Variants in CFL1 observed in about 807,000 individuals in gnomAD.
CFL1 encodes cofilin 1.
In CFL1, 2 loss-of-function variants were observed where a neutral mutation model predicts 16.3. That is an observed-to-expected ratio of 0.12 (90% CI 0.05 to 0.39). CFL1 has a LOEUF of 0.39. Among genes scored for constraint, CFL1 ranks in the 10% least tolerant of loss-of-function variants. The pLI is 0.99. For synonymous variants in CFL1, 111 were observed against 84.4 expected (o/e 1.31, Z -1.73); for missense variants, 75 against 212.2 (o/e 0.35, Z 4.02).
rs896774010 is a variant in CFL1, at chr11:65,855,109, G to A, written c.*227C>T. On this transcript the variant is annotated 3_prime_UTR_variant, in exon 4 of 4. Coordinates refer to ENST00000308162, the MANE Select transcript of CFL1 (RefSeq NM_005507.3). ...AACTTGGTCTGCTTCAGCCCAAGAG[G>A]AATCAAAAGATCAAAAGCAGTTTGG... The A allele has an allele frequency of 3.9e-5, 20 of 509,708 alleles. No homozygotes were observed. The highest frequency in any genetic ancestry group is 1.1e-4 in the South Asian group (5 of 45,074). The allele number at this position is 509,708 out of a possible 1,614,324, so 31.6% of individuals were successfully genotyped here. A position where few individuals can be genotyped will look rare whatever the true frequency, so the allele number is the denominator to read the frequency against.
intron 3 of CFL1, 37 bp downstream of exon 3, chr11:65,855,617 G>C (rs1207742229): frequency 4.5e-6 from 7 of 1,561,136 alleles, no homozygotes; most frequent in Non-Finnish European, 4.3e-6. Flanking sequence ...GCCAAGGCCA[G>C]AGCAGAAGGG....
rs759558490 is a variant in CFL1 at position 65,856,259 on chromosome 11, G to A, written c.4-17C>T. 2.2e-5 allele frequency: 35 copies of A among 1,605,116 alleles called. No individual in the cohort carries two copies. Among genetic ancestry groups the A allele is most frequent in the Non-Finnish European group, 2.5e-5 (29 of 1,173,460 alleles). ...ACCGGAGGCCTAGGAGACATGCCACGTATACGTCAAGAAAAGGATTCTAGG... is the reference window on the plus strand; with the variant it reads ...ACCGGAGGCCTAGGAGACATGCCACATATACGTCAAGAAAAGGATTCTAGG... On this transcript the variant is annotated splice_polypyrimidine_tract_variant and intron_variant, in intron 1 of 3. Transcript: ENST00000308162.
At position 65,858,173 on chromosome 11, in the gene CFL1, G is replaced by T; in HGVS notation, c.-74C>A. The T allele has an allele frequency of 6.8e-7, 1 of 1,480,148 alleles. No individual in the cohort carries two copies. Among genetic ancestry groups the T allele is most frequent in the South Asian group, 1.3e-5 (1 of 79,060 alleles). 91.7% of individuals were successfully genotyped at this position (1,480,148 alleles called of 1,614,324 possible). ...AGCGCTGCAGCCGCTGCCGGGACCC[G>T]ACTGAACGCGGCCTCTCCCGGCCCC... On this transcript the variant is annotated 5_prime_UTR_variant, in exon 1 of 4. Transcript: ENST00000308162.
chr11:65,858,135 C>T lies in CFL1; in HGVS notation c.-36G>A, dbSNP rs746595026. 77 of 1,521,236 alleles carry T rather than the reference C, an allele frequency of 5.1e-5. No homozygotes were observed. The highest frequency in any genetic ancestry group is 6.5e-5 in the Non-Finnish European group (74 of 1,134,428). The allele number at this position is 1,521,236 out of a possible 1,614,324, so 94.2% of individuals were successfully genotyped here. On this transcript the variant is annotated 5_prime_UTR_variant, in exon 1 of 4. Coordinates refer to ENST00000308162, the MANE Select transcript of CFL1 (RefSeq NM_005507.3). ...ACGAAAAGGAGAGGGCACCGAGAGCCGCAGAAGACGAGAGCGCTGCAGCCG... is the reference window on the plus strand; with the variant it reads ...ACGAAAAGGAGAGGGCACCGAGAGCTGCAGAAGACGAGAGCGCTGCAGCCG...
chr11:65,855,822 G>C, intron 2 of CFL1, 92 bp from the exon 3 acceptor site: 1 of 1,501,992 alleles, frequency 6.7e-7, no homozygotes, highest in South Asian at 1.3e-5. Context: ...GGAGTCTTTT[G>C]TTACAACCCC....
intron 1 of CFL1, 68 bp downstream of exon 1, chr11:65,858,029 A>T: frequency 6.7e-7 from 1 of 1,495,942 alleles, no homozygotes; most frequent in African/African-American, 1.5e-5. Context: ...GTCGCTCCCC[A>T]GTCGCTTCCC....
chr11:65,854,765 A>T lies in CFL1; in HGVS notation c.*571T>A, dbSNP rs772219542. ...TATCCCAGTGCACCCCCAATCCTGA[A>T]GTCTCCTGTGTCCCAACCTTGAAAA... On this transcript the variant is annotated 3_prime_UTR_variant, in exon 4 of 4. Coordinates refer to ENST00000308162, the MANE Select transcript of CFL1 (RefSeq NM_005507.3). 1 of 153,372 alleles carries T rather than the reference A, an allele frequency of 6.5e-6. No individual in the cohort carries two copies. Among genetic ancestry groups the T allele is most frequent in the Admixed American group, 6.5e-5 (1 of 15,420 alleles). The allele number at this position is 153,372 out of a possible 1,614,324, so 9.5% of individuals were successfully genotyped here.
At chr11:65,856,330 T>TG (rs1197629239) in intron 1 of CFL1, 88 bp from the exon 2 acceptor site, 4 of 1,318,214 alleles carry the variant, frequency 3.0e-6, no homozygotes, top group African/African-American at 1.5e-5. Flanking sequence ...ACGTCCCGAG[T>TG]GGTCACTAGT....
At chr11:65,855,475 T>C in intron 3 of CFL1, 27 bp from the exon 4 acceptor site, 3 of 1,608,302 alleles carry the variant, frequency 1.9e-6, no homozygotes, top group Non-Finnish European at 2.6e-6. Flanking sequence ...GGAGCATCTG[T>C]GAGCAGGAAG....
chr11:65,857,393 C>G (rs1367201643), intron 1 of CFL1: 1 of 427,854 alleles, frequency 2.3e-6, no homozygotes, highest in Admixed American at 2.4e-5. Context: ...GCGCACGCGC[C>G]GACAGACAGC....
At position 65,855,985 on chromosome 11, in the gene CFL1, T is replaced by G; in HGVS notation, c.261A>C (p.Ala87=). Residue 87 remains alanine, a synonymous_variant, in exon 2 of 4, where the codon GCA becomes GCC. Transcript: ENST00000308162. ...TCTTGCTCTCCTTGGTCTCATAGGT[T>G]GCATCATAGAGGGCATAGCGGCAGT... ...DKDCRYALYD[A]TYETKESKKE... The G allele has an allele frequency of 6.2e-7, 1 of 1,614,102 alleles. No homozygotes were observed. Among genetic ancestry groups the G allele is most frequent in the Middle Eastern group, 1.6e-4 (1 of 6,062 alleles).
At chr11:65,856,549 A>G in intron 1 of CFL1, 1 of 354,918 alleles carries the variant, frequency 2.8e-6, no homozygotes, top group South Asian at 2.8e-5. Context: ...CCGGCTACTG[A>G]CTCATTTGCT....
rs755947950 is a variant in CFL1, at chr11:65,858,123, G to A, written c.-24C>T. 1.2e-5 allele frequency: 19 copies of A among 1,525,686 alleles called. No individual in the cohort carries two copies. The highest frequency in any genetic ancestry group is 8.0e-5 in the East Asian group (3 of 37,640). The allele number at this position is 1,525,686 out of a possible 1,614,324, so 94.5% of individuals were successfully genotyped here. A position where few individuals can be genotyped will look rare whatever the true frequency, so the allele number is the denominator to read the frequency against. ...ATGTTTCCGGAAACGAAAAGGAGAG[G>A]GCACCGAGAGCCGCAGAAGACGAGA... On this transcript the variant is annotated 5_prime_UTR_variant, in exon 1 of 4. Transcript: ENST00000308162.
chr11:65,855,600 C>T (rs373685190), intron 3 of CFL1, 54 bp downstream of exon 3: 2 of 1,559,388 alleles, frequency 1.3e-6, no homozygotes, highest in Non-Finnish European at 1.7e-6. Context: ...ATTCACCCTG[C>T]CCTGCAGCCA....
intron 1 of CFL1, chr11:65,856,653 A>G (rs891342420): frequency 4.4e-6 from 1 of 227,214 alleles, no homozygotes; most frequent in Admixed American, 5.3e-5. Context: ...ACTCCTCTTC[A>G]GAAAGAGCCA....
Position 65,855,680 on chromosome 11 carries a change from T to C in CFL1, c.362A>G (p.Lys121Arg). Reference sequence around the variant, plus strand: ...TGTCAGCTTCTTCTTGATGGCGTCCTTGGAGCTGGCATAAATCATTTTGCT... The same window carrying C: ...TGTCAGCTTCTTCTTGATGGCGTCCCTGGAGCTGGCATAAATCATTTTGCT... ...LKSKMIYASSKDAIKKKLTGI... is the reference protein window; with the variant it reads ...LKSKMIYASSRDAIKKKLTGI... Residue 121 changes from lysine to arginine, a missense_variant, in exon 3 of 4, where the codon AAG (lysine) becomes AGG (arginine). By Grantham distance (26) the Lys-to-Arg change is conservative. Coordinates refer to ENST00000308162, the MANE Select transcript of CFL1 (RefSeq NM_005507.3). 1 of 1,574,084 alleles carries C rather than the reference T, an allele frequency of 6.4e-7. No homozygotes were observed.
rs769824611 is a variant in CFL1, at chr11:65,856,246, G to A, written c.4-4C>T. 2.5e-6 allele frequency: 4 copies of A among 1,611,016 alleles called. No homozygotes were observed. The highest frequency in any genetic ancestry group is 3.3e-5 in the Admixed American group (2 of 59,936). On this transcript the variant is annotated splice_region_variant and splice_polypyrimidine_tract_variant and intron_variant, in intron 1 of 3. Transcript: ENST00000308162. Reference sequence around the variant, plus strand: ...CAGAGACAGCCACACCGGAGGCCTAGGAGACATGCCACGTATACGTCAAGA... The same window carrying A: ...CAGAGACAGCCACACCGGAGGCCTAAGAGACATGCCACGTATACGTCAAGA...
intron 2 of CFL1, 97 bp downstream of exon 2, chr11:65,855,838 C>A: frequency 6.6e-7 from 1 of 1,506,660 alleles, no homozygotes; most frequent in East Asian, 2.3e-5. Context: ...ACCCCCTCCC[C>A]CTCCAAACCC....
Position 65,855,010 on chromosome 11 carries a change from G to A in CFL1, c.*326C>T. ...GTTAGAAGTTGGCAGCATGGGAAGG[G>A]GGAGGACCAGGTGGGGAATGGGGAT... On this transcript the variant is annotated 3_prime_UTR_variant, in exon 4 of 4. Transcript: ENST00000308162. The A allele has an allele frequency of 3.0e-6, 1 of 328,600 alleles. No homozygotes were observed. The highest frequency in any genetic ancestry group is 2.1e-5 in the African/African-American group (1 of 47,032). 20.4% of individuals were successfully genotyped at this position (328,600 alleles called of 1,614,324 possible).
Sources: gnomAD v4.1 joint callset for allele counts on GRCh38, gnomAD v4.1.1 for gene constraint, MANE v1.5 for transcripts, NCBI Gene and HGNC (gene_info 2026-07-23, HGNC 2026-07-21) for gene names.